Variants in GABARAPL1 observed in about 807,000 individuals in gnomAD.
GABARAPL1 encodes GABA type A receptor associated protein like 1.
GABARAPL1 carries 4 observed loss-of-function variants against 14.5 expected under a neutral mutation model. The observed-to-expected ratio is 0.28, with a 90% CI of 0.14 to 0.63. The LOEUF (loss-of-function observed/expected upper bound fraction) is 0.63. Ranked by LOEUF, GABARAPL1 falls within the 30% of genes least tolerant of loss-of-function variation. GABARAPL1 has a pLI of 0.84. For synonymous variants in GABARAPL1, 47 were observed against 50.6 expected (o/e 0.93, Z 0.30); for missense variants, 82 against 139.2 (o/e 0.59, Z 2.07).
At chr12:10,213,450 T>G in intron 1 of GABARAPL1, 1 of 568,768 alleles carries the variant, frequency 1.8e-6, no homozygotes, top group Non-Finnish European at 3.3e-6. Context: ...GACGGCGTTT[T>G]GGGGGCCGAG....
intron 2 of GABARAPL1, 72 bp from the exon 3 acceptor site, chr12:10,220,368 C>T: frequency 8.2e-6 from 13 of 1,593,616 alleles, no homozygotes; most frequent in South Asian, 4.5e-5. Flanking sequence ...AATTTTTTTC[C>T]AGGACTTACC....
intron 1 of GABARAPL1, chr12:10,213,458 G>T (rs775711399): frequency 1.8e-6 from 1 of 549,578 alleles, no homozygotes; most frequent in Non-Finnish European, 3.4e-6. Flanking sequence ...TTTGGGGGCC[G>T]AGCCGCCGTC....
At chr12:10,214,205 A>G (rs1592003384) in intron 1 of GABARAPL1, 1 of 200,974 alleles carries the variant, frequency 5.0e-6, no homozygotes, top group Non-Finnish European at 1.1e-5. Context: ...CATTAGTATT[A>G]CGTGTCACAT....
intron 1 of GABARAPL1, 48 bp downstream of exon 1, chr12:10,213,267 G>A: frequency 8.1e-7 from 1 of 1,227,534 alleles, no homozygotes; most frequent in Non-Finnish European, 1.2e-6. Context: ...GCCCGCGGGG[G>A]CGGGGGCGGG....
At position 10,213,066 on chromosome 12, in the gene GABARAPL1, G is replaced by A. The variant is rs554590158; in HGVS notation, c.-64G>A. The A allele has an allele frequency of 2.3e-4, 230 of 994,224 alleles. No individual in the cohort carries two copies. In the African/African-American group the frequency reaches 3.1e-3, roughly 14 times the overall value. The allele number at this position is 994,224 out of a possible 1,614,324, so 61.6% of individuals were successfully genotyped here. On this transcript the variant is annotated 5_prime_UTR_variant, in exon 1 of 4. Transcript: ENST00000266458. ...CACCTTGACGTCGGCTGAGGGAGCG[G>A]GACAGGGTCAGCGGCGAAGGAGGCA...
rs1185900159 is a variant in GABARAPL1 at position 10,222,654 on chromosome 12, G to T, written c.*802G>T. ...TAAGTCTCAGGCATTTCCAATTGTA[G>T]ACTAAAACCACTCTTAGCATCTCCT... On this transcript the variant is annotated 3_prime_UTR_variant, in exon 4 of 4. Transcript: ENST00000266458. 1.3e-5 allele frequency: 2 copies of T among 152,174 alleles called. No homozygotes were observed. The highest frequency in any genetic ancestry group is 4.8e-5 in the African/African-American group (2 of 41,416). The allele number at this position is 152,174 out of a possible 1,614,324, so 9.4% of individuals were successfully genotyped here.
In GABARAPL1 at chr12:10,213,043, C is replaced by G. The variant is rs1019868982; in HGVS notation, c.-87C>G. 4 of 810,410 alleles carry G rather than the reference C, an allele frequency of 4.9e-6. No individual in the cohort carries two copies. Among genetic ancestry groups the G allele is most frequent in the Non-Finnish European group, 8.4e-6 (4 of 475,918 alleles). 50.2% of individuals were successfully genotyped at this position (810,410 alleles called of 1,614,324 possible). A position where few individuals can be genotyped will look rare whatever the true frequency, so the allele number is the denominator to read the frequency against. On this transcript the variant is annotated 5_prime_UTR_variant, in exon 1 of 4. Coordinates refer to ENST00000266458, the MANE Select transcript of GABARAPL1 (RefSeq NM_031412.4). The stretch of plus-strand genomic sequence containing the variant: ...CGTTTCTGCAGCTATTCTGAGCACA[C>G]CTTGACGTCGGCTGAGGGAGCGGGA...
Position 10,220,423 on chromosome 12 carries a change from C to T in GABARAPL1, c.170-17C>T. 6.2e-7 allele frequency: 1 copy of T among 1,611,822 alleles called. No homozygotes were observed. Among genetic ancestry groups the T allele is most frequent in the Non-Finnish European group, 8.5e-7 (1 of 1,179,632 alleles). The stretch of plus-strand genomic sequence containing the variant: ...TTCTTACTTTCTTTTCTGCCCTTTT[C>T]TTCTTCCATCATCCAGTTGGCCAGT... On this transcript the variant is annotated splice_polypyrimidine_tract_variant and intron_variant, in intron 2 of 3. Transcript: ENST00000266458.
rs756069248 is a variant in GABARAPL1, at chr12:10,220,391, C to G, written c.170-49C>G. On this transcript the variant is annotated intron_variant, in intron 2 of 3. Coordinates refer to ENST00000266458, the MANE Select transcript of GABARAPL1 (RefSeq NM_031412.4). ...TCCAGGACTTACCCTTCTACTAATT[C>G]CTTGTTTTCTTACTTTCTTTTCTGC... 3.7e-6 allele frequency: 6 copies of G among 1,610,030 alleles called. 1 individual carries two copies. The East Asian group carries it at 6.7e-5, about 18-fold the overall frequency.
At chr12:10,217,109 T>G (rs1949095102) in intron 1 of GABARAPL1, among the ~76,000 whole-genome samples, 1 of 152,192 alleles carries the variant, frequency 6.6e-6, no homozygotes, top group Non-Finnish European at 1.5e-5. Context: ...ATCTTTTATA[T>G]TTTTATAGAT....
chr12:10,218,682 A>G (rs1011928374), intron 2 of GABARAPL1, among the ~76,000 whole-genome samples: 3 of 151,844 alleles, frequency 2.0e-5, no homozygotes, highest in Non-Finnish European at 4.4e-5. Context: ...TATTTAAACC[A>G]CTTTTATTTT....
At chr12:10,220,359 A>AT (rs1381345820) in intron 2 of GABARAPL1, 81 bp from the exon 3 acceptor site, 6 of 1,585,762 alleles carry the variant, frequency 3.8e-6, no homozygotes, top group South Asian at 3.4e-5. Context: ...ATGCAATTGA[A>AT]TTTTTTTCCA....
intron 3 of GABARAPL1, 125 bp from the exon 4 acceptor site, chr12:10,221,662 C>T: frequency 3.5e-6 from 4 of 1,131,052 alleles, no homozygotes; most frequent in Non-Finnish European, 5.1e-6. Context: ...CTATCCTTTG[C>T]TCCTCTTTTA....
chr12:10,218,616 G>A (rs1247871456), intron 2 of GABARAPL1, among the ~76,000 whole-genome samples: 1 of 152,070 alleles, frequency 6.6e-6, no homozygotes, highest in East Asian at 1.9e-4. Flanking sequence ...ACCATGTCTT[G>A]TTGGATTTTG....
Position 10,218,103 on chromosome 12 carries a change from T to C in GABARAPL1, c.131T>C (p.Leu44Pro). Residue 44 changes from leucine to proline, a missense_variant, in exon 2 of 4, where the codon CTG (leucine) becomes CCG (proline). Around this residue, in one of 3 missense-constraint regions of GABARAPL1, gnomAD observed 65 missense variants for 103.7 expected, o/e 0.63. Coordinates refer to ENST00000266458, the MANE Select transcript of GABARAPL1 (RefSeq NM_031412.4). ...EKAPKARVPD[L>P]DKRKYLVPSD... ...GCTCCAAAAGCCAGGGTGCCTGATC[T>C]GGACAAGAGGAAGTACCTAGTGCCC... 1 of 1,611,558 alleles carries C rather than the reference T, an allele frequency of 6.2e-7. No individual in the cohort carries two copies. Among genetic ancestry groups the C allele is most frequent in the South Asian group, 1.1e-5 (1 of 91,028 alleles).
chr12:10,213,443 G>T (rs1445614697), intron 1 of GABARAPL1: 2 of 588,400 alleles, frequency 3.4e-6, no homozygotes, highest in African/African-American at 1.9e-5. Context: ...CAGGGCTGAC[G>T]GCGTTTTGGG....
Position 10,222,715 on chromosome 12 carries a change from A to C in GABARAPL1, c.*863A>C, listed in dbSNP as rs889310938. 2 of 152,162 alleles carry C rather than the reference A, an allele frequency of 1.3e-5. No individual in the cohort carries two copies. Among genetic ancestry groups the C allele is most frequent in the Admixed American group, 6.5e-5 (1 of 15,268 alleles). The allele number at this position is 152,162 out of a possible 1,614,324, so 9.4% of individuals were successfully genotyped here. ...CCATGTATCAGGACAGAGGTGTCTT[A>C]TGTAGGGAGGGGGCAAGTATGAAGT... On this transcript the variant is annotated 3_prime_UTR_variant, in exon 4 of 4. Transcript: ENST00000266458.
At chr12:10,220,014 G>A (rs184262678) in intron 2 of GABARAPL1, among the ~76,000 whole-genome samples, 1 of 152,178 alleles carries the variant, frequency 6.6e-6, no homozygotes, top group South Asian at 2.1e-4. Context: ...ACTGTGCTAA[G>A]ATGACCAGAG....
chr12:10,219,330 A>AC, intron 2 of GABARAPL1, among the ~76,000 whole-genome samples: 1 of 105,680 alleles, frequency 9.5e-6, no homozygotes, highest in African/African-American at 2.7e-5. Flanking sequence ...AAAAAACAAA[A>AC]AACAAAAAAA....
Sources: allele counts gnomAD v4.1 joint callset (sites outside exome capture counted in the v4.1 genomes callset), GRCh38; gene constraint gnomAD v4.1.1; regional missense constraint gnomAD v4.1.1; transcripts MANE v1.5; gene names NCBI Gene and HGNC (gene_info 2026-07-23, HGNC 2026-07-21).